Variants in EXTL3 observed in about 807,000 individuals in gnomAD.
EXTL3 encodes the protein exostosin-like 3.
A neutral mutation model predicts 69.3 loss-of-function variants in EXTL3; 27 were observed. The ratio of observed to expected loss-of-function variants is 0.39; its 90% CI spans 0.29 to 0.54. The LOEUF is 0.54. EXTL3 is among the 20% of genes least tolerant of loss of function. The pLI, the probability that EXTL3 is intolerant of heterozygous loss-of-function variation, is 0.69. For synonymous variants in EXTL3, 511 were observed against 499.4 expected (o/e 1.02, Z -0.31); for missense variants, 1,003 against 1,231.8 (o/e 0.81, Z 2.78).
intron 5 of EXTL3, chr8:28,741,874 T>C (rs973530780): frequency 6.6e-6 from 1 of 152,256 alleles, no homozygotes; most frequent in Non-Finnish European, 1.5e-5. Flanking sequence ...AAAAATTTTA[T>C]CATTATTTCA....
chr8:28,630,988 A>G (rs1456223378), intron 1 of EXTL3, among the ~76,000 whole-genome samples: 1 of 152,384 alleles, frequency 6.6e-6, no homozygotes, highest in Admixed American at 6.5e-5. Flanking sequence ...GCAGTGAAGC[A>G]GAAATAAATC....
chr8:28,718,334 A>G, intron 3 of EXTL3, 127 bp downstream of exon 3: 1 of 929,974 alleles, frequency 1.1e-6, no homozygotes, highest in Non-Finnish European at 1.7e-6. Flanking sequence ...TACTCATGAA[A>G]AACCTGTATA....
In EXTL3 at chr8:28,715,956, C is replaced by T. The variant is rs141604623; in HGVS notation, c.-104C>T. 10,736 of 945,214 alleles carry T rather than the reference C, an allele frequency of 0.011. 84 individuals are homozygous for T. Among genetic ancestry groups the T allele is most frequent in the Middle Eastern group, 0.023 (68 of 2,998 alleles). The allele number at this position is 945,214 out of a possible 1,614,324, so 58.6% of individuals were successfully genotyped here. On this transcript the variant is annotated 5_prime_UTR_variant, in exon 3 of 7. Coordinates refer to ENST00000220562, the MANE Select transcript of EXTL3 (RefSeq NM_001440.4). Reference sequence around the variant, plus strand: ...GCCTTGTCTGGGGAGCACACTAACTCTTCTGGAAACGTGTCAGTGAAACAG... The same window carrying T: ...GCCTTGTCTGGGGAGCACACTAACTTTTCTGGAAACGTGTCAGTGAAACAG...
intron 1 of EXTL3, among the ~76,000 whole-genome samples, chr8:28,625,165 C>A (rs1299720475): frequency 6.6e-6 from 1 of 152,162 alleles, no homozygotes; most frequent in Non-Finnish European, 1.5e-5. Flanking sequence ...AGATTATTTA[C>A]CTACTAAGTG....
At chr8:28,626,374 A>C (rs2130552242) in intron 1 of EXTL3, among the ~76,000 whole-genome samples, 1 of 152,276 alleles carries the variant, frequency 6.6e-6, no homozygotes, top group African/African-American at 2.4e-5. Context: ...GCTTACTCTG[A>C]GGCTTCAGTG....
intron 1 of EXTL3, among the ~76,000 whole-genome samples, chr8:28,635,301 T>C (rs1205121705): frequency 6.6e-6 from 1 of 150,562 alleles, no homozygotes; most frequent in Non-Finnish European, 1.5e-5. Flanking sequence ...CACACACTTG[T>C]AGTCCCAGCT....
Position 28,750,409 on chromosome 8 carries a change from C to T in EXTL3, c.2551-248C>T, listed in dbSNP as rs947944903. Among the ~76,000 whole-genome samples the T allele has an allele frequency of 3.3e-5, 5 of 152,212 alleles. No individual in the cohort carries two copies. Among genetic ancestry groups the T allele is most frequent in the Non-Finnish European group, 5.9e-5 (4 of 68,034 alleles). On this transcript the variant is annotated intron_variant, in intron 6 of 6. Transcript: ENST00000220562. The surrounding 1 kb of genome is among the most constrained non-coding windows in gnomAD (Gnocchi z 5.2). ...ACTTACTGAGACAGCTGACACTACA[C>T]ACGTTAAGGCTTTTGGCATCTGAGA... is the stretch of plus-strand genomic sequence containing the variant.
intron 2 of EXTL3, among the ~76,000 whole-genome samples, chr8:28,609,253 A>G (rs962739642): frequency 2.0e-5 from 3 of 152,024 alleles, no homozygotes; most frequent in Non-Finnish European, 4.4e-5. Context: ...ACGAGTCTGG[A>G]TTTTTTTCTA....
rs146671194 is a variant in EXTL3, at chr8:28,635,715, C to CCACACACACACACACACACACACA, written c.-53+12911_-53+12934dup. Among the ~76,000 whole-genome samples the CCACACACACACACACACACACACA allele has an allele frequency of 5.6e-3, 805 of 142,778 alleles. 1 individual carries two copies. Among genetic ancestry groups the CCACACACACACACACACACACACA allele is most frequent in the Admixed American group, 0.011 (152 of 13,882 alleles). 93.7% of individuals were successfully genotyped at this position (142,778 alleles called of 152,430 possible). A position where few individuals can be genotyped will look rare whatever the true frequency, so the allele number is the denominator to read the frequency against. ...AACATAGTGAGACCCCCCCACAACT[C>CCACACACACACACACACACACACA]CACACACACACACACACACACACAC... On this transcript the variant is annotated intron_variant, in intron 1 of 6. Coordinates refer to the EXTL3 transcript ENST00000523149.
intron 1 of EXTL3, 33 bp from the exon 2 acceptor site, chr8:28,713,424 T>C: frequency 1.5e-5 from 10 of 675,152 alleles, no homozygotes; most frequent in Non-Finnish European, 1.9e-5. Context: ...GTCACTGTTC[T>C]ATTTTTGTTT....
rs114634352 is a variant in EXTL3 at position 28,742,585 on chromosome 8, G to T, written c.2422-501G>T. On this transcript the variant is annotated intron_variant, in intron 5 of 6. Transcript: ENST00000220562. Reference sequence around the variant, plus strand: ...AGAATCCAGGCAAGAGACGAAGGTGGTTGGCAGCAGGGAGTAGCCAGGGCC... The same window carrying T: ...AGAATCCAGGCAAGAGACGAAGGTGTTTGGCAGCAGGGAGTAGCCAGGGCC... 1,656 of 192,066 alleles carry T rather than the reference G, an allele frequency of 8.6e-3. 31 individuals are homozygous for T. Among genetic ancestry groups the T allele is most frequent in the African/African-American group, 0.037 (1,554 of 42,364 alleles). The allele number at this position is 192,066 out of a possible 1,614,324, so 11.9% of individuals were successfully genotyped here. A position where few individuals can be genotyped will look rare whatever the true frequency, so the allele number is the denominator to read the frequency against.
At chr8:28,710,002 C>T (rs1305658867) in intron 1 of EXTL3, among the ~76,000 whole-genome samples, 1 of 152,146 alleles carries the variant, frequency 6.6e-6, no homozygotes, top group East Asian at 1.9e-4. Flanking sequence ...TAGCAGATGG[C>T]GACTTCTGCT....
chr8:28,608,213 C>T (rs978978728), intron 2 of EXTL3, among the ~76,000 whole-genome samples: 2 of 152,002 alleles, frequency 1.3e-5, no homozygotes, highest in Non-Finnish European at 2.9e-5. Flanking sequence ...AGGGGAGAAG[C>T]CTTTGGATGT....
intron 3 of EXTL3, among the ~76,000 whole-genome samples, chr8:28,721,297 G>C (rs1350907628): frequency 6.6e-6 from 1 of 152,228 alleles, no homozygotes; most frequent in Non-Finnish European, 1.5e-5. Flanking sequence ...GCATGGCTTA[G>C]GGGTGGGCCA....
At chr8:28,728,737 A>G (rs1259452210) in intron 3 of EXTL3, among the ~76,000 whole-genome samples, 1 of 151,916 alleles carries the variant, frequency 6.6e-6, no homozygotes, top group Admixed American at 6.6e-5. Context: ...TTTTTTTGAA[A>G]TTACCCAAGT....
At chr8:28,745,470 G>A (rs1473314394) in intron 6 of EXTL3, among the ~76,000 whole-genome samples, 1 of 152,302 alleles carries the variant, frequency 6.6e-6, no homozygotes, top group Middle Eastern at 3.4e-3. Context: ...CAGGTACAGT[G>A]GTAGGTCTCA....
intron 1 of EXTL3, among the ~76,000 whole-genome samples, chr8:28,692,055 A>C (rs1020744830): frequency 5.3e-5 from 8 of 152,184 alleles, no homozygotes; most frequent in African/African-American, 1.9e-4. Context: ...GATATTTAAT[A>C]TATTTTTTGA....
chr8:28,609,391 T>C (rs1806242717), intron 2 of EXTL3, among the ~76,000 whole-genome samples: 2 of 151,708 alleles, frequency 1.3e-5, no homozygotes, highest in African/African-American at 4.9e-5. Flanking sequence ...GAGAGTGGAC[T>C]TGGGTGCATT....
rs374517686 is a variant in EXTL3, at chr8:28,636,263, C to T, written c.-53+13453C>T. ...AGGAGAATTGCCTGAACCCAGGAGG[C>T]GGAGGTTGCAGTGAGCCGAGATCGC... On this transcript the variant is annotated intron_variant, in intron 1 of 6. Transcript: ENST00000523149. Among the ~76,000 whole-genome samples, 453 of 147,128 alleles carry T rather than the reference C, an allele frequency of 3.1e-3. 2 individuals carry two copies. Among genetic ancestry groups the T allele is most frequent in the African/African-American group, 0.011 (433 of 39,216 alleles).
Sources: gnomAD v4.1 joint callset for allele counts (sites outside exome capture counted in the v4.1 genomes callset) on GRCh38, gnomAD v4.1.1 for gene constraint, Gnocchi (gnomAD v3.1) non-coding constraint, MANE v1.5 for transcripts, NCBI Gene and HGNC (gene_info 2026-07-23, HGNC 2026-07-21) for gene names.